The following LPAR1 variants were observed in gnomAD, a reference collection of about 807,000 sequenced individuals.
LPAR1 encodes the protein lysophosphatidic acid receptor 1.
A neutral mutation model predicts 23.8 loss-of-function variants in LPAR1; 5 were observed. The ratio of observed to expected loss-of-function variants is 0.21; its 90% CI spans 0.11 to 0.44. The LOEUF is 0.44. LPAR1 is among the 20% of genes least tolerant of loss of function. The probability of loss-of-function intolerance (pLI) is 0.99; values close to 1 mark genes in which losing one functional copy is unlikely to be tolerated. For missense variants in LPAR1, 311 were observed against 482.8 expected (o/e 0.64, Z 3.33); for synonymous variants, 160 against 164.7 (o/e 0.97, Z 0.22).
chr9:110,950,903 A>T (rs1337039063), intron 4 of LPAR1, among the ~76,000 whole-genome samples: 1 of 152,240 alleles, frequency 6.6e-6, no homozygotes, highest in Non-Finnish European at 1.5e-5. Flanking sequence ...ATATGAAAGC[A>T]CAAAAGAACA....
chr9:110,930,749 C>T (rs527521934), intron 5 of LPAR1, among the ~76,000 whole-genome samples: 1 of 151,992 alleles, frequency 6.6e-6, no homozygotes, highest in Non-Finnish European at 1.5e-5. Flanking sequence ...AACCCCGTCT[C>T]TACTAAAACT....
intron 4 of LPAR1, among the ~76,000 whole-genome samples, chr9:110,952,750 C>T (rs181509914): frequency 6.6e-6 from 1 of 152,140 alleles, no homozygotes; most frequent in Non-Finnish European, 1.5e-5. Flanking sequence ...TTGCCACCCC[C>T]ACCAAGCATT....
At chr9:110,985,660 T>C (rs2139292153) in intron 2 of LPAR1, among the ~76,000 whole-genome samples, 1 of 152,198 alleles carries the variant, frequency 6.6e-6, no homozygotes, top group East Asian at 1.9e-4. Context: ...GCTGTATAGT[T>C]TTCACTTTAG....
chr9:110,914,035 C>T (rs1401669044), intron 5 of LPAR1, among the ~76,000 whole-genome samples: 1 of 152,128 alleles, frequency 6.6e-6, no homozygotes, highest in Non-Finnish European at 1.5e-5. Flanking sequence ...TGCTTTTTTC[C>T]TTTGGTTCCT....
chr9:110,941,939 G>A lies in LPAR1; in HGVS notation c.275C>T (p.Ala92Val). 6.2e-7 allele frequency: 1 copy of A among 1,614,176 alleles called. No individual in the cohort carries two copies. The highest frequency in any genetic ancestry group is 8.5e-7 in the Non-Finnish European group (1 of 1,180,028). ...FPIYYLMANL[A>V]AADFFAGLAY... ...CAACCCAGCAAAGAAGTCTGCAGCA[G>A]CCAGATTAGCCATTAGGTAATAAAT... Residue 92 changes from alanine to valine, a missense_variant, in exon 5 of 6, where the codon GCT becomes GTT. Transcript: ENST00000683809. This position sits in a 1 kb window ranked among gnomAD's most constrained non-coding sequence, Gnocchi z 6.1.
intron 4 of LPAR1, among the ~76,000 whole-genome samples, chr9:110,958,500 T>G (rs1481850585): frequency 1.3e-5 from 2 of 152,122 alleles, no homozygotes. Context: ...CTTCAATAAG[T>G]GGTGCTGGGA....
intron 5 of LPAR1, among the ~76,000 whole-genome samples, chr9:110,925,802 A>G (rs10980634): frequency 0.12 from 17,617 of 152,294 alleles, 1,352 homozygotes; most frequent in Admixed American, 0.21. Flanking sequence ...AATTTTCTCA[A>G]CAATCTCCTC....
At chr9:110,890,516 A>G (rs1374978062) in intron 5 of LPAR1, among the ~76,000 whole-genome samples, 1 of 152,216 alleles carries the variant, frequency 6.6e-6, no homozygotes, top group African/African-American at 2.4e-5. Flanking sequence ...AGTTTTTCTC[A>G]GTGGGATTGG....
At position 110,937,738 on chromosome 9, in the gene LPAR1, T is replaced by C. The variant is rs73655700; in HGVS notation, c.793+3683A>G. ...AAAGATGACTTTATTTTAATATAAC[T>C]TGACTCATAACAAGTCAGTTGCTGA... On this transcript the variant is annotated intron_variant, in intron 5 of 5. Coordinates refer to ENST00000683809, the MANE Select transcript of LPAR1 (RefSeq NM_001351411.2). Among the ~76,000 whole-genome samples the C allele has an allele frequency of 6.4e-3, 974 of 152,356 alleles. 13 individuals carry two copies. The highest frequency in any genetic ancestry group is 0.022 in the African/African-American group (907 of 41,580).
intron 2 of LPAR1, among the ~76,000 whole-genome samples, chr9:110,991,573 GTTTGT>G (rs60524485): frequency 0.3 from 43,013 of 145,172 alleles, 6,583 homozygotes; most frequent in Non-Finnish European, 0.35. Context: ...AATCTTTCTG[GTTTGT>G]TTTGTTGTTG....
At chr9:110,973,892 T>A (rs2096489916) in intron 2 of LPAR1, among the ~76,000 whole-genome samples, 1 of 152,238 alleles carries the variant, frequency 6.6e-6, no homozygotes, top group Non-Finnish European at 1.5e-5. Flanking sequence ...CGTTATTGGC[T>A]GGGCACAGCA....
intron 4 of LPAR1, among the ~76,000 whole-genome samples, chr9:110,945,747 G>A (rs2095353473): frequency 6.6e-6 from 1 of 152,144 alleles, no homozygotes; most frequent in South Asian, 2.1e-4. Flanking sequence ...CCGTTTCCTT[G>A]TCTTTTCCAA....
intron 2 of LPAR1, among the ~76,000 whole-genome samples, chr9:111,028,512 G>C (rs2097739377): frequency 6.6e-6 from 1 of 150,674 alleles, no homozygotes; most frequent in Non-Finnish European, 1.5e-5. Flanking sequence ...TAATGGCTTA[G>C]AAAAAAGAAA....
intron 2 of LPAR1, among the ~76,000 whole-genome samples, chr9:110,996,632 T>A (rs2097014608): frequency 6.6e-6 from 1 of 152,092 alleles, no homozygotes; most frequent in Non-Finnish European, 1.5e-5. Flanking sequence ...TTAAGCCAAG[T>A]CATAGCGATA....
At chr9:110,922,093 TG>T (rs1433667900) in intron 5 of LPAR1, among the ~76,000 whole-genome samples, 9 of 152,044 alleles carry the variant, frequency 5.9e-5, no homozygotes, top group African/African-American at 2.2e-4. Flanking sequence ...AAGTAGGAAC[TG>T]GGGAAGAAGA....
chr9:110,962,666 T>C (rs1238031747), intron 4 of LPAR1, among the ~76,000 whole-genome samples: 1 of 152,190 alleles, frequency 6.6e-6, no homozygotes, highest in Non-Finnish European at 1.5e-5. Flanking sequence ...AATAAACATA[T>C]TCTCTGATGC....
intron 5 of LPAR1, among the ~76,000 whole-genome samples, chr9:110,920,142 C>T (rs1221305114): frequency 6.6e-6 from 1 of 152,124 alleles, no homozygotes; most frequent in Admixed American, 6.5e-5. Context: ...CAAAATTATA[C>T]CCTGATTATG....
chr9:110,935,390 C>T (rs2094630656), intron 5 of LPAR1, among the ~76,000 whole-genome samples: 2 of 145,632 alleles, frequency 1.4e-5, no homozygotes, highest in Admixed American at 7.0e-5. Flanking sequence ...TCTAAGAATT[C>T]TAAATCTGGA....
At chr9:110,947,985 G>T (rs115269938) in intron 4 of LPAR1, among the ~76,000 whole-genome samples, 1 of 152,118 alleles carries the variant, frequency 6.6e-6, no homozygotes, top group African/African-American at 2.4e-5. Context: ...GAGCCGGGGC[G>T]GGGGCCTGAT....
Sources: gnomAD v4.1 joint callset for allele counts (sites outside exome capture counted in the v4.1 genomes callset) on GRCh38, gnomAD v4.1.1 for gene constraint, Gnocchi (gnomAD v3.1) non-coding constraint, MANE v1.5 for transcripts, NCBI Gene and HGNC (gene_info 2026-07-23, HGNC 2026-07-21) for gene names.